TAB3: variants seen among roughly 807,000 people sequenced by gnomAD.
The protein encoded by TAB3 is TGF-beta activated kinase 1 (MAP3K7) binding protein 3.
Under a neutral mutation model 48.1 loss-of-function variants are expected in TAB3, and 18 were observed. The ratio of observed to expected loss-of-function variants is 0.37; its 90% CI spans 0.26 to 0.55. The LOEUF (loss-of-function observed/expected upper bound fraction) is 0.55. Among genes scored for constraint, TAB3 ranks in the 20% least tolerant of loss-of-function variants. TAB3 has a pLI of 0.78. For missense variants in TAB3, 414 were observed against 549.8 expected (o/e 0.75, Z 2.47); for synonymous variants, 185 against 190.2 (o/e 0.97, Z 0.22).
At chrX:30,878,289 G>A (rs1231876200) in intron 1 of TAB3, among the ~76,000 whole-genome samples, 6 of 110,733 alleles carry the variant, frequency 5.4e-5, no homozygotes, top group Non-Finnish European at 9.5e-5. Flanking sequence ...TCAGGAGTTC[G>A]AGACCAGTCT....
chrX:30,831,821 C>T (rs1938040788), intron 10 of TAB3, among the ~76,000 whole-genome samples: 1 of 111,866 alleles, frequency 8.9e-6, no homozygotes, highest in Non-Finnish European at 1.9e-5. Context: ...GAATAGATTG[C>T]CTTCCTAGGT....
At chrX:30,886,671 A>G (rs1305810830) in intron 1 of TAB3, among the ~76,000 whole-genome samples, 5 of 112,710 alleles carry the variant, frequency 4.4e-5, no homozygotes, top group Non-Finnish European at 7.5e-5. Context: ...ACTTTCAGCC[A>G]GAGATAATTA....
chrX:30,883,861 T>TA (rs36118419), intron 1 of TAB3, among the ~76,000 whole-genome samples: 14 of 110,940 alleles, frequency 1.3e-4, no homozygotes, highest in East Asian at 2.8e-4. Context: ...TGGTGCTGCT[T>TA]AAAAAAAAGT....
At chrX:30,872,340 T>C (rs980488441) in intron 1 of TAB3, among the ~76,000 whole-genome samples, 3 of 111,405 alleles carry the variant, frequency 2.7e-5, no homozygotes, top group African/African-American at 9.8e-5. Context: ...AAGCCCACAA[T>C]AATGAAGAGA....
At chrX:30,886,863 A>T (rs1286450482) in intron 1 of TAB3, among the ~76,000 whole-genome samples, 2 of 112,303 alleles carry the variant, frequency 1.8e-5, no homozygotes, top group African/African-American at 6.5e-5. Context: ...CCAGTGGGAG[A>T]TAAAAGTGAC....
intron 1 of TAB3, among the ~76,000 whole-genome samples, chrX:30,884,002 A>C (rs1344063639): frequency 1.8e-5 from 2 of 111,790 alleles, no homozygotes; most frequent in Non-Finnish European, 3.8e-5. Flanking sequence ...AACATCAAAA[A>C]GGCATAGTTC....
chrX:30,878,555 G>GAATA (rs1294097191), intron 1 of TAB3, among the ~76,000 whole-genome samples: 1 of 104,659 alleles, frequency 9.6e-6, no homozygotes, highest in Non-Finnish European at 2.0e-5. Flanking sequence ...GTAGTTAAAA[G>GAATA]AATAAGCAGA....
intron 8 of TAB3, chrX:30,844,573 A>G (rs891387034): frequency 8.9e-6 from 1 of 112,428 alleles, no homozygotes; most frequent in Non-Finnish European, 1.9e-5. Context: ...GTTTTGCTCC[A>G]AAGACCACAC....
At chrX:30,842,419 T>A (rs924733739) in intron 9 of TAB3, among the ~76,000 whole-genome samples, 4 of 112,106 alleles carry the variant, frequency 3.6e-5, no homozygotes, top group African/African-American at 1.3e-4. Context: ...AGGGTTATAG[T>A]TTTTACAATG....
At chrX:30,887,485 G>C (rs1441043748) in intron 1 of TAB3, among the ~76,000 whole-genome samples, 2 of 112,794 alleles carry the variant, frequency 1.8e-5, no homozygotes, top group East Asian at 2.8e-4. Flanking sequence ...ATTTGTATCA[G>C]TCAGCACAAA....
intron 3 of TAB3, 104 bp from the exon 4 acceptor site, chrX:30,867,322 G>A (rs771964056): frequency 1.8e-5 from 2 of 111,988 alleles, no homozygotes; most frequent in African/African-American, 3.2e-5. Flanking sequence ...TGTAACAAAC[G>A]TACCATGCTA....
chrX:30,839,913 AT>A (rs1332463786), intron 9 of TAB3, among the ~76,000 whole-genome samples: 18 of 18,690 alleles, frequency 9.6e-4, no homozygotes, highest in Admixed American at 2.1e-3. Context: ...ACATATATAT[AT>A]TATATATATA....
intron 9 of TAB3, chrX:30,836,001 T>C (rs1426326226): frequency 8.9e-6 from 1 of 112,310 alleles, no homozygotes; most frequent in African/African-American, 3.2e-5. Flanking sequence ...TGCTAAACTA[T>C]ATGTACTTTT....
At chrX:30,850,297 G>A (rs1416671976) in intron 7 of TAB3, among the ~76,000 whole-genome samples, 6 of 111,372 alleles carry the variant, frequency 5.4e-5, no homozygotes, top group Non-Finnish European at 9.4e-5. Context: ...CTCAATCTGG[G>A]GGATGGCTAC....
intron 10 of TAB3, among the ~76,000 whole-genome samples, chrX:30,833,631 A>G (rs1238429862): frequency 9.1e-6 from 1 of 110,184 alleles, no homozygotes; most frequent in Non-Finnish European, 1.9e-5. Flanking sequence ...GGAGATCGAT[A>G]CCATCCTGGC....
At chrX:30,868,798 A>C (rs1356646246) in intron 2 of TAB3, among the ~76,000 whole-genome samples, 1 of 106,106 alleles carries the variant, frequency 9.4e-6, no homozygotes, top group Non-Finnish European at 1.9e-5. Context: ...CATACATACA[A>C]GTTTCTAATT....
chrX:30,872,927 A>C (rs1301748855), intron 1 of TAB3, among the ~76,000 whole-genome samples: 2 of 112,012 alleles, frequency 1.8e-5, no homozygotes, highest in African/African-American at 6.5e-5. Flanking sequence ...GAACCTAATT[A>C]AGCATATAGA....
At chrX:30,859,360 C>CACA (rs1555941683) in intron 5 of TAB3, 127 bp downstream of exon 5, 14 of 391,989 alleles carry the variant, frequency 3.6e-5, no homozygotes, top group South Asian at 2.1e-4. Flanking sequence ...AAATCCTGCT[C>CACA]CACACACACA....
intron 2 of TAB3, 43 bp downstream of exon 2, chrX:30,871,646 AACATGTTAAC>A (rs1276749581): frequency 8.9e-6 from 1 of 111,883 alleles, no homozygotes; most frequent in East Asian, 2.8e-4. Context: ...GGAGGGTGTA[AACATGTTAAC>A]AGTAATATAG....
Sources: gnomAD v4.1 joint callset for allele counts (sites outside exome capture counted in the v4.1 genomes callset) on GRCh38, gnomAD v4.1.1 for gene constraint, MANE v1.5 for transcripts, NCBI Gene and HGNC (gene_info 2026-07-23, HGNC 2026-07-21) for gene names.